Variants in PTPRD observed in about 807,000 individuals in gnomAD.
The protein encoded by PTPRD is receptor-type tyrosine-protein phosphatase delta.
Under a neutral mutation model 214.5 loss-of-function variants are expected in PTPRD, and 34 were observed. That is an observed-to-expected ratio of 0.16 (90% CI 0.12 to 0.21). The LOEUF (loss-of-function observed/expected upper bound fraction) is 0.21. Among genes scored for constraint, PTPRD ranks in the 10% least tolerant of loss-of-function variants. The pLI, the probability that PTPRD is intolerant of heterozygous loss-of-function variation, is 1.00. For missense variants in PTPRD, 2,545 were observed against 2,398.7 expected, an observed-to-expected ratio of 1.06 and a Z score of -1.27; for synonymous variants, 1,128 against 845.7, an observed-to-expected ratio of 1.33 and a Z score of -5.79.
At chr9:8,458,847 A>G (rs2096291031) in intron 33 of PTPRD, among the ~76,000 whole-genome samples, 1 of 152,082 alleles carries the variant, frequency 6.6e-6, no homozygotes, top group Admixed American at 6.6e-5. Flanking sequence ...TTTTTCAGCT[A>G]TTTTACAGCA....
intron 5 of PTPRD, among the ~76,000 whole-genome samples, chr9:9,858,496 A>C (rs2062003665): frequency 6.6e-6 from 1 of 152,190 alleles, no homozygotes; most frequent in Non-Finnish European, 1.5e-5. Context: ...CAAATGTGCC[A>C]ACATTCTCAC....
chr9:10,154,783 T>A (rs1484101505), intron 3 of PTPRD, among the ~76,000 whole-genome samples: 1 of 152,054 alleles, frequency 6.6e-6, no homozygotes, highest in Non-Finnish European at 1.5e-5. Context: ...TTCTAGGATC[T>A]CTATACTGTT....
intron 5 of PTPRD, among the ~76,000 whole-genome samples, chr9:9,871,240 T>C (rs897442352): frequency 2.0e-5 from 3 of 151,412 alleles, no homozygotes; most frequent in Admixed American, 1.3e-4. Context: ...AACAAGAGAG[T>C]AAGTATGGAT....
At chr9:8,926,249 A>G (rs920773788) in intron 11 of PTPRD, among the ~76,000 whole-genome samples, 1 of 152,054 alleles carries the variant, frequency 6.6e-6, no homozygotes, top group Non-Finnish European at 1.5e-5. Flanking sequence ...CTTATTTCAG[A>G]TGTTACCACC....
At chr9:9,365,745 C>G (rs1246228313) in intron 9 of PTPRD, among the ~76,000 whole-genome samples, 1 of 151,394 alleles carries the variant, frequency 6.6e-6, no homozygotes, top group African/African-American at 2.4e-5. Flanking sequence ...TGCTGTCGAC[C>G]TACAGCATAA....
chr9:10,266,987 G>A (rs753800945), intron 3 of PTPRD, among the ~76,000 whole-genome samples: 2 of 151,844 alleles, frequency 1.3e-5, no homozygotes, highest in Non-Finnish European at 2.9e-5. Context: ...TCAGGAGTTC[G>A]AGACCAGCCT....
chr9:10,117,326 A>C (rs541062568), intron 3 of PTPRD, among the ~76,000 whole-genome samples: 62 of 152,256 alleles, frequency 4.1e-4, no homozygotes, highest in Middle Eastern at 6.8e-3. Flanking sequence ...CCTTTAGCAT[A>C]CTTGTTAACT....
chr9:9,642,588 C>G (rs2096003881), intron 7 of PTPRD, among the ~76,000 whole-genome samples: 1 of 152,046 alleles, frequency 6.6e-6, no homozygotes, highest in African/African-American at 2.4e-5. Flanking sequence ...CTCTCCCTCC[C>G]CAATTCATCT....
chr9:8,775,710 A>G (rs1313839361), intron 11 of PTPRD, among the ~76,000 whole-genome samples: 1 of 152,186 alleles, frequency 6.6e-6, no homozygotes, highest in Admixed American at 6.5e-5. Flanking sequence ...CTGGCTGGGC[A>G]TGGTGGCTCA....
chr9:10,452,477 C>A (rs1460718000), intron 2 of PTPRD, among the ~76,000 whole-genome samples: 1 of 151,714 alleles, frequency 6.6e-6, no homozygotes, highest in African/African-American at 2.4e-5. Flanking sequence ...ACACTCTCAC[C>A]AAAACTTGTT....
intron 11 of PTPRD, among the ~76,000 whole-genome samples, chr9:8,891,131 A>T (rs1013302795): frequency 1.9e-5 from 2 of 105,582 alleles, no homozygotes; most frequent in Admixed American, 1.8e-4. Context: ...GCTTTGAATT[A>T]ATCTAATTTT....
chr9:9,991,065 G>C (rs957597051), intron 4 of PTPRD, among the ~76,000 whole-genome samples: 2 of 151,544 alleles, frequency 1.3e-5, no homozygotes, highest in African/African-American at 4.9e-5. Flanking sequence ...CTCCTGAGTA[G>C]CTGAGATTAC....
At chr9:9,621,377 T>TTTATTATAGA (rs1290471723) in intron 7 of PTPRD, among the ~76,000 whole-genome samples, 1 of 152,174 alleles carries the variant, frequency 6.6e-6, no homozygotes, top group African/African-American at 2.4e-5. Context: ...CTCATCCTAT[T>TTTATTATAGA]TTATTATAGA....
At chr9:10,025,925 G>A (rs1335819384) in intron 4 of PTPRD, among the ~76,000 whole-genome samples, 1 of 152,136 alleles carries the variant, frequency 6.6e-6, no homozygotes, top group East Asian at 1.9e-4. Flanking sequence ...CTAACCAAAG[G>A]AAGACCAGGC....
intron 9 of PTPRD, among the ~76,000 whole-genome samples, chr9:9,299,886 A>G (rs367575653): frequency 1.3e-5 from 2 of 151,006 alleles, no homozygotes; most frequent in East Asian, 3.9e-4. Flanking sequence ...TCTAACTTGA[A>G]AACTAAGATC....
At chr9:9,152,727 G>C (rs1166522576) in intron 10 of PTPRD, among the ~76,000 whole-genome samples, 1 of 152,014 alleles carries the variant, frequency 6.6e-6, no homozygotes, top group African/African-American at 2.4e-5. Context: ...GTTTCTTTTG[G>C]GCCTTGGGCA....
chr9:8,633,594 A>T, intron 13 of PTPRD, 136 bp from the exon 14 acceptor site: 1 of 987,418 alleles, frequency 1.0e-6, no homozygotes, highest in Non-Finnish European at 1.5e-6. Flanking sequence ...ATTTTGATAT[A>T]GTGGTGAAAA....
At chr9:10,365,558 T>C (rs1421294663) in intron 2 of PTPRD, among the ~76,000 whole-genome samples, 1 of 152,192 alleles carries the variant, frequency 6.6e-6, no homozygotes, top group Non-Finnish European at 1.5e-5. Flanking sequence ...ACTTTATCAC[T>C]GACTTTCTAT....
At chr9:10,258,004 C>T (rs1484672169) in intron 3 of PTPRD, among the ~76,000 whole-genome samples, 1 of 151,962 alleles carries the variant, frequency 6.6e-6, no homozygotes, top group African/African-American at 2.4e-5. Flanking sequence ...GTGGCAGGGG[C>T]AGGAAGCTTG....
Sources: allele counts gnomAD v4.1 joint callset (sites outside exome capture counted in the v4.1 genomes callset), GRCh38; gene constraint gnomAD v4.1.1; transcripts MANE v1.5; gene names NCBI Gene and HGNC (gene_info 2026-07-23, HGNC 2026-07-21).